ZFHX3: variants seen among roughly 807,000 people sequenced by gnomAD.
ZFHX3 encodes zinc finger homeobox 3, also known as zinc finger homeobox protein 3.
In ZFHX3, 42 loss-of-function variants were observed where a neutral mutation model predicts 279.1. The ratio of observed to expected loss-of-function variants is 0.15; its 90% CI spans 0.12 to 0.19. The LOEUF is 0.19. Among genes scored for constraint, ZFHX3 ranks in the 10% least tolerant of loss-of-function variants. The pLI is 1.00. For synonymous variants in ZFHX3, 2,293 were observed against 1,957.8 expected (o/e 1.17, Z -4.52); for missense variants, 4,981 against 4,754.0 (o/e 1.05, Z -1.40).
chr16:73,753,986 A>ATGTGTATGTGTGTG (rs1555499746), intron 1 of ZFHX3, among the ~76,000 whole-genome samples: 1 of 147,324 alleles, frequency 6.8e-6, no homozygotes, highest in Non-Finnish European at 1.5e-5. Flanking sequence ...GTAAGAATCA[A>ATGTGTATGTGTGTG]TGTGTGTGTG....
rs113898661 is a variant in ZFHX3, at chr16:73,612,955, A to G, written c.-1547+67225T>C. Among the ~76,000 whole-genome samples, 482 of 152,306 alleles carry G rather than the reference A, an allele frequency of 3.2e-3. 4 individuals are homozygous for G. The highest frequency in any genetic ancestry group is 0.01 in the African/African-American group (425 of 41,572). On this transcript the variant is annotated intron_variant, in intron 2 of 17. Transcript: ENST00000641206. ...AAGGAGGAGATGAGGGCATATTTCA[A>G]TGAAGCTCCATATACTTTATTATTC...
At chr16:73,461,780 T>C (rs532191676) in intron 2 of ZFHX3, among the ~76,000 whole-genome samples, 53 of 152,364 alleles carry the variant, frequency 3.5e-4, no homozygotes, top group Admixed American at 1.1e-3. Context: ...TATAGCTATT[T>C]AATTAGTCTT....
chr16:72,967,440 C>A (rs999260064), intron 1 of ZFHX3, among the ~76,000 whole-genome samples: 1 of 151,750 alleles, frequency 6.6e-6, no homozygotes, highest in Non-Finnish European at 1.5e-5. Flanking sequence ...TAACAATCCC[C>A]AAGTCCCTAC....
At chr16:73,530,103 C>T (rs1181910010) in intron 2 of ZFHX3, among the ~76,000 whole-genome samples, 1 of 152,158 alleles carries the variant, frequency 6.6e-6, no homozygotes, top group Non-Finnish European at 1.5e-5. Context: ...CACAGTTCCA[C>T]GTGGCTGGGG....
intron 1 of ZFHX3, among the ~76,000 whole-genome samples, chr16:73,788,146 G>A (rs1277776516): frequency 1.3e-5 from 2 of 152,168 alleles, no homozygotes; most frequent in Admixed American, 1.3e-4. Context: ...GTGGCACACA[G>A]GAGCTGTAGG....
At chr16:73,497,885 G>C (rs990182977) in intron 2 of ZFHX3, among the ~76,000 whole-genome samples, 2 of 152,198 alleles carry the variant, frequency 1.3e-5, no homozygotes. Flanking sequence ...AAGTTGAATA[G>C]ATCCAGAGCT....
intron 4 of ZFHX3, among the ~76,000 whole-genome samples, chr16:73,290,185 C>T (rs2014733252): frequency 1.3e-5 from 2 of 152,202 alleles, no homozygotes; most frequent in African/African-American, 4.8e-5. Flanking sequence ...TCCAAATAGA[C>T]TCTGTGCCTT....
At chr16:72,820,158 T>A (rs961944506) in intron 5 of ZFHX3, among the ~76,000 whole-genome samples, 2 of 152,162 alleles carry the variant, frequency 1.3e-5, no homozygotes, top group Non-Finnish European at 2.9e-5. Context: ...GGCCTCTGCT[T>A]TCTCTGCAGG....
intron 1 of ZFHX3, among the ~76,000 whole-genome samples, chr16:73,858,452 T>C (rs902959427): frequency 4.6e-5 from 7 of 152,214 alleles, no homozygotes; most frequent in African/African-American, 1.7e-4. Flanking sequence ...GCACTGAAAC[T>C]ACATTTGCCA....
intron 2 of ZFHX3, among the ~76,000 whole-genome samples, chr16:72,956,137 A>C (rs1025030985): frequency 6.6e-6 from 1 of 152,268 alleles, no homozygotes; most frequent in African/African-American, 2.4e-5. Flanking sequence ...CATAGCAAGA[A>C]AAACCAATGG....
rs76896334 is a variant in ZFHX3 at position 73,517,968 on chromosome 16, T to G, written c.-1546-61710A>C. On this transcript the variant is annotated intron_variant, in intron 2 of 17. Transcript: ENST00000641206. ...TTTTATTATTAATTATTGTTGTACA[T>G]TTTATTCAGCCCAGTATATTACCCA... is the stretch of plus-strand genomic sequence containing the variant. Among the ~76,000 whole-genome samples the G allele has an allele frequency of 6.6e-4, 100 of 152,358 alleles. 1 individual carries two copies. The East Asian group carries it at 0.018, about 28-fold the overall frequency.
chr16:73,804,971 G>GGA (rs149382672), intron 1 of ZFHX3, among the ~76,000 whole-genome samples: 16 of 137,966 alleles, frequency 1.2e-4, no homozygotes, highest in South Asian at 2.2e-4. Flanking sequence ...AGGGAGGGAG[G>GGA]GAGAGAGAGA....
intron 5 of ZFHX3, among the ~76,000 whole-genome samples, chr16:73,181,753 T>G (rs565684024): frequency 4.7e-4 from 72 of 152,238 alleles, no homozygotes; most frequent in Admixed American, 4.2e-3. Flanking sequence ...CAGAAGTCTG[T>G]TGGGGATATA....
At chr16:73,091,603 G>A (rs957696132) in intron 8 of ZFHX3, among the ~76,000 whole-genome samples, 4 of 152,174 alleles carry the variant, frequency 2.6e-5, no homozygotes, top group African/African-American at 4.8e-5. Flanking sequence ...TTCCTCTGAG[G>A]ACCCTGATAT....
At chr16:73,481,380 T>C (rs755345907) in intron 2 of ZFHX3, among the ~76,000 whole-genome samples, 14 of 152,018 alleles carry the variant, frequency 9.2e-5, no homozygotes, top group Non-Finnish European at 1.9e-4. Context: ...CCAGCCAAGT[T>C]GACACATTGC....
intron 2 of ZFHX3, among the ~76,000 whole-genome samples, chr16:73,625,957 A>G (rs1381045185): frequency 6.6e-6 from 1 of 152,156 alleles, no homozygotes; most frequent in South Asian, 2.1e-4. Flanking sequence ...TCCCGGGTTC[A>G]TGCCATTCTT....
At chr16:73,009,381 C>T (rs891812649) in intron 1 of ZFHX3, among the ~76,000 whole-genome samples, 4 of 151,980 alleles carry the variant, frequency 2.6e-5, no homozygotes, top group Non-Finnish European at 5.9e-5. Flanking sequence ...GCACACACAA[C>T]AGATTACATT....
intron 2 of ZFHX3, among the ~76,000 whole-genome samples, chr16:73,550,587 A>G (rs1017983614): frequency 1.1e-4 from 17 of 152,382 alleles, no homozygotes; most frequent in South Asian, 2.1e-4. Context: ...AAGTTTTTCA[A>G]CAATGAGGTC....
intron 5 of ZFHX3, among the ~76,000 whole-genome samples, chr16:73,204,328 A>G (rs1324473762): frequency 1.3e-5 from 2 of 151,644 alleles, no homozygotes; most frequent in East Asian, 1.9e-4. Context: ...TAATTATACA[A>G]CTCACCAAAA....
Sources: allele counts gnomAD v4.1 joint callset (sites outside exome capture counted in the v4.1 genomes callset), GRCh38; gene constraint gnomAD v4.1.1; transcripts MANE v1.5; gene names NCBI Gene and HGNC (gene_info 2026-07-23, HGNC 2026-07-21).